The following PTPRD variants were observed in gnomAD, a reference collection of about 807,000 sequenced individuals.
PTPRD encodes receptor-type tyrosine-protein phosphatase delta.
Under a neutral mutation model 214.5 loss-of-function variants are expected in PTPRD, and 34 were observed. The ratio of observed to expected loss-of-function variants is 0.16; its 90% CI spans 0.12 to 0.21. The LOEUF is 0.21. Among genes scored for constraint, PTPRD ranks in the 10% least tolerant of loss-of-function variants. The pLI is 1.00. For missense variants in PTPRD, 2,545 were observed against 2,398.7 expected (o/e 1.06, Z -1.27); for synonymous variants, 1,128 against 845.7 (o/e 1.33, Z -5.79).
intron 4 of PTPRD, among the ~76,000 whole-genome samples, chr9:9,965,706 G>GT (rs1167310739): frequency 6.6e-6 from 1 of 152,164 alleles, no homozygotes; most frequent in Non-Finnish European, 1.5e-5. Flanking sequence ...AATTTTGGCT[G>GT]TAAGTGTTGG....
intron 5 of PTPRD, among the ~76,000 whole-genome samples, chr9:9,886,058 G>C (rs918302062): frequency 6.6e-6 from 1 of 151,732 alleles, no homozygotes; most frequent in Non-Finnish European, 1.5e-5. Context: ...TTGGACTCCT[G>C]AACTGCTATG....
At chr9:10,373,360 T>C (rs2097668032) in intron 2 of PTPRD, among the ~76,000 whole-genome samples, 1 of 152,088 alleles carries the variant, frequency 6.6e-6, no homozygotes, top group Non-Finnish European at 1.5e-5. Context: ...CTTTCCTTGT[T>C]CTCTATACTT....
chr9:9,955,069 T>C (rs1368562064), intron 4 of PTPRD, among the ~76,000 whole-genome samples: 1 of 152,096 alleles, frequency 6.6e-6, no homozygotes, highest in African/African-American at 2.4e-5. Context: ...TTTAGTGAAG[T>C]AAAGAATGAA....
At chr9:8,853,557 T>A (rs1423436304) in intron 11 of PTPRD, among the ~76,000 whole-genome samples, 1 of 152,140 alleles carries the variant, frequency 6.6e-6, no homozygotes, top group Non-Finnish European at 1.5e-5. Flanking sequence ...AACCTATCCT[T>A]TGGTAGAAAT....
At chr9:8,761,265 A>C (rs1232585553) in intron 11 of PTPRD, among the ~76,000 whole-genome samples, 1 of 152,210 alleles carries the variant, frequency 6.6e-6, no homozygotes, top group African/African-American at 2.4e-5. Context: ...TAGAAGTTTT[A>C]ACATGGTAGC....
At chr9:9,846,026 A>G (rs2059466897) in intron 5 of PTPRD, among the ~76,000 whole-genome samples, 1 of 152,144 alleles carries the variant, frequency 6.6e-6, no homozygotes. Context: ...TTTTGTCTTG[A>G]GAAAGAGTAA....
intron 2 of PTPRD, among the ~76,000 whole-genome samples, chr9:10,426,133 A>G (rs2098612354): frequency 6.6e-6 from 1 of 152,016 alleles, no homozygotes; most frequent in Non-Finnish European, 1.5e-5. Flanking sequence ...ATCTCTTTCT[A>G]TACCTTCCCT....
At chr9:8,546,971 C>T (rs2080352488) in intron 14 of PTPRD, among the ~76,000 whole-genome samples, 1 of 152,186 alleles carries the variant, frequency 6.6e-6, no homozygotes, top group Admixed American at 6.5e-5. Flanking sequence ...TATGCACGTT[C>T]CAACTATACT....
intron 37 of PTPRD, among the ~76,000 whole-genome samples, chr9:8,377,126 T>C (rs1038814643): frequency 2.6e-5 from 4 of 152,108 alleles, no homozygotes; most frequent in Non-Finnish European, 4.4e-5. Context: ...TGTTACTTCA[T>C]CAAGATTTAA....
chr9:10,061,008 G>A (rs2154168779), intron 3 of PTPRD, among the ~76,000 whole-genome samples: 1 of 139,896 alleles, frequency 7.1e-6, no homozygotes, highest in East Asian at 2.1e-4. Context: ...CTCTCTTTCT[G>A]TCTCTCTCTC....
At chr9:10,185,961 G>C (rs538845072) in intron 3 of PTPRD, among the ~76,000 whole-genome samples, 3 of 152,166 alleles carry the variant, frequency 2.0e-5, no homozygotes, top group South Asian at 2.1e-4. Context: ...AGAGCCTTTT[G>C]TTTGTCAACA....
intron 7 of PTPRD, among the ~76,000 whole-genome samples, chr9:9,617,650 C>T (rs2094958695): frequency 1.3e-5 from 2 of 152,016 alleles, no homozygotes; most frequent in Non-Finnish European, 2.9e-5. Context: ...CTAAGGATTT[C>T]TATAAAACCA....
intron 8 of PTPRD, among the ~76,000 whole-genome samples, chr9:9,432,819 T>C (rs985158434): frequency 6.6e-6 from 1 of 152,316 alleles, no homozygotes; most frequent in Non-Finnish European, 1.5e-5. Flanking sequence ...TTTCTTATAT[T>C]TCCTGTGGCA....
chr9:8,448,688 G>A (rs1291215728), intron 34 of PTPRD, among the ~76,000 whole-genome samples: 2 of 152,008 alleles, frequency 1.3e-5, no homozygotes, highest in Admixed American at 1.3e-4. Context: ...TCTTTCAATT[G>A]AAGAGTTACT....
At chr9:8,976,331 T>C (rs1589182400) in intron 11 of PTPRD, among the ~76,000 whole-genome samples, 1 of 152,068 alleles carries the variant, frequency 6.6e-6, no homozygotes. Flanking sequence ...TAGTTCATGA[T>C]AGAACTAGGA....
chr9:8,845,639 C>A (rs1356944234), intron 11 of PTPRD, among the ~76,000 whole-genome samples: 1 of 152,242 alleles, frequency 6.6e-6, no homozygotes, highest in East Asian at 1.9e-4. Context: ...TTAGATACTG[C>A]AAATCCTAGT....
intron 14 of PTPRD, among the ~76,000 whole-genome samples, chr9:8,546,078 C>A (rs1226164751): frequency 6.6e-6 from 1 of 152,184 alleles, no homozygotes; most frequent in Non-Finnish European, 1.5e-5. Context: ...ACTTAACCGA[C>A]CACATAGTGT....
chr9:8,762,004 T>C (rs1379985277), intron 11 of PTPRD, among the ~76,000 whole-genome samples: 1 of 152,138 alleles, frequency 6.6e-6, no homozygotes, highest in Non-Finnish European at 1.5e-5. Flanking sequence ...TTTAGGTACA[T>C]TAAAATATAC....
At chr9:8,403,938 A>G (rs900081800) in intron 36 of PTPRD, among the ~76,000 whole-genome samples, 5 of 152,152 alleles carry the variant, frequency 3.3e-5, no homozygotes, top group Non-Finnish European at 7.3e-5. Flanking sequence ...ACCCATCACT[A>G]AAATGGGCAA....
Sources: gnomAD v4.1 joint callset for allele counts (sites outside exome capture counted in the v4.1 genomes callset) on GRCh38, gnomAD v4.1.1 for gene constraint, MANE v1.5 for transcripts, NCBI Gene and HGNC (gene_info 2026-07-23, HGNC 2026-07-21) for gene names.